The following USP37 variants were observed in gnomAD, a reference collection of about 807,000 sequenced individuals.
The protein encoded by USP37 is ubiquitin carboxyl-terminal hydrolase 37.
In USP37, 27 loss-of-function variants were observed where a neutral mutation model predicts 124.0. The observed-to-expected ratio is 0.22, with a 90% CI of 0.16 to 0.30. USP37 has a LOEUF of 0.30. Ranked by LOEUF, USP37 falls within the 10% of genes least tolerant of loss-of-function variation. USP37 has a pLI of 1.00. For missense variants in USP37, 889 were observed against 1,140.4 expected (o/e 0.78, Z 3.17); for synonymous variants, 365 against 388.0 (o/e 0.94, Z 0.70).
chr2:218,504,097 A>G (rs1401881147), intron 11 of USP37, among the ~76,000 whole-genome samples: 1 of 152,216 alleles, frequency 6.6e-6, no homozygotes, highest in East Asian at 1.9e-4. Flanking sequence ...ATAATCCTAA[A>G]TGTGTATGTG....
Position 218,495,817 on chromosome 2 carries a change from G to C in USP37, c.1415C>G (p.Thr472Ser). 6.2e-7 allele frequency: 1 copy of C among 1,613,960 alleles called. No homozygotes were observed. Residue 472 changes from threonine to serine, a missense_variant, in exon 14 of 26, where the codon ACT (threonine) becomes AGT (serine). Coordinates refer to ENST00000258399, the MANE Select transcript of USP37 (RefSeq NM_020935.3). ...SPDISATRAYTCPVITNLEFE... is the reference protein window; with the variant it reads ...SPDISATRAYSCPVITNLEFE... ...CTCCAAATTAGTAATAACAGGGCAA[G>C]TGTATGCTCTGGTAGCTGAAATATC...
rs750893360 is a variant in USP37, at chr2:218,549,900, G to A, written c.338C>T (p.Pro113Leu). Residue 113 changes from proline (P) to leucine (L), a missense_variant, in exon 6 of 26, where the codon CCG becomes CTG. Around this residue, in one of 3 missense-constraint regions of USP37, gnomAD observed 374 missense variants for 386.0 expected, o/e 0.97. Coordinates refer to ENST00000258399, the MANE Select transcript of USP37 (RefSeq NM_020935.3). The part of the protein sequence containing the change: ...HQNRLPAAMK[P>L]SQGSGSFGAI... Reference sequence around the variant, plus strand: ...TCCAAAACTACCAGACCCCTGAGACGGTTTCATGGCTGGTGACCAAAAATA... The same window carrying A: ...TCCAAAACTACCAGACCCCTGAGACAGTTTCATGGCTGGTGACCAAAAATA... 3.6e-5 allele frequency: 58 copies of A among 1,599,692 alleles called. No individual in the cohort carries two copies. Among genetic ancestry groups the A allele is most frequent in the Non-Finnish European group, 4.2e-5 (49 of 1,173,760 alleles).
At chr2:218,461,795 A>T (rs1690025753) in intron 22 of USP37, among the ~76,000 whole-genome samples, 2 of 151,840 alleles carry the variant, frequency 1.3e-5, no homozygotes, top group Admixed American at 1.3e-4. Flanking sequence ...GAACTGCCTG[A>T]GATCAGGAGT....
At chr2:218,514,017 C>G (rs1037935676) in intron 10 of USP37, among the ~76,000 whole-genome samples, 3 of 151,988 alleles carry the variant, frequency 2.0e-5, no homozygotes, top group Non-Finnish European at 4.4e-5. Context: ...TGAGGTTTTA[C>G]CATGTTGTCC....
At chr2:218,492,657 A>G (rs1176953279) in intron 14 of USP37, among the ~76,000 whole-genome samples, 1 of 152,204 alleles carries the variant, frequency 6.6e-6, no homozygotes, top group Non-Finnish European at 1.5e-5. Flanking sequence ...TTCTGGATGT[A>G]TTTCCAAGGT....
intron 9 of USP37, among the ~76,000 whole-genome samples, chr2:218,533,317 T>C (rs1302903795): frequency 6.6e-6 from 1 of 152,208 alleles, no homozygotes; most frequent in East Asian, 1.9e-4. Context: ...CAGTATCAAT[T>C]GACTCTTTAT....
At chr2:218,551,743 TA>T (rs1170542678) in intron 5 of USP37, among the ~76,000 whole-genome samples, 6 of 152,300 alleles carry the variant, frequency 3.9e-5, no homozygotes, top group Non-Finnish European at 7.4e-5. Flanking sequence ...AACAGAGATA[TA>T]AACTAGCCTC....
chr2:218,544,430 T>TATATATATATATAGAGAGAGAGAGAGAG (rs377397246), intron 8 of USP37, among the ~76,000 whole-genome samples: 1 of 50,806 alleles, frequency 2.0e-5, no homozygotes, highest in African/African-American at 1.3e-4. Flanking sequence ...TATATATATA[T>TATATATATATATAGAGAGAGAGAGAGAG]AGAGAGAGAG....
At chr2:218,521,900 G>A (rs1429964974) in intron 10 of USP37, among the ~76,000 whole-genome samples, 5 of 152,062 alleles carry the variant, frequency 3.3e-5, no homozygotes, top group Non-Finnish European at 7.4e-5. Context: ...TTTGAGACAA[G>A]GTCTTGCTCT....
At chr2:218,479,578 A>C (rs1018191920) in intron 18 of USP37, 72 bp downstream of exon 18, 2 of 1,216,894 alleles carry the variant, frequency 1.6e-6, no homozygotes, top group African/African-American at 3.0e-5. Flanking sequence ...AAAGGCAGGG[A>C]GGCAATCTTG....
At chr2:218,526,236 ATTTAT>A (rs1450140385) in intron 10 of USP37, among the ~76,000 whole-genome samples, 1 of 151,372 alleles carries the variant, frequency 6.6e-6, no homozygotes, top group African/African-American at 2.4e-5. Flanking sequence ...ATGGTTATTT[ATTTAT>A]TTTTTTTTTT....
chr2:218,476,698 T>C, intron 19 of USP37, 142 bp downstream of exon 19: 1 of 964,184 alleles, frequency 1.0e-6, no homozygotes, highest in Non-Finnish European at 1.4e-6. Flanking sequence ...TCTTGATCCA[T>C]CTGTAAACAG....
intron 10 of USP37, among the ~76,000 whole-genome samples, chr2:218,526,017 T>A (rs1243522751): frequency 6.6e-6 from 1 of 152,226 alleles, no homozygotes; most frequent in Non-Finnish European, 1.5e-5. Flanking sequence ...AAGGATATGA[T>A]CTCATTCTTT....
At chr2:218,477,095 A>C in intron 18 of USP37, 114 bp from the exon 19 acceptor site, 1 of 1,217,558 alleles carries the variant, frequency 8.2e-7, no homozygotes, top group South Asian at 2.0e-5. Flanking sequence ...CTTAACAGAA[A>C]AAAAAGATAT....
At chr2:218,524,124 G>GTGTA (rs1690817921) in intron 10 of USP37, among the ~76,000 whole-genome samples, 1 of 152,142 alleles carries the variant, frequency 6.6e-6, no homozygotes, top group South Asian at 2.1e-4. Context: ...CTCAGTCACT[G>GTGTA]TGTATCATTT....
chr2:218,552,441 G>A (rs1465370850), intron 5 of USP37, among the ~76,000 whole-genome samples: 1 of 152,032 alleles, frequency 6.6e-6, no homozygotes, highest in African/African-American at 2.4e-5. Flanking sequence ...GTAGGGCCAG[G>A]CAGTGGCTCA....
chr2:218,469,677 G>T (rs534063853), intron 20 of USP37, among the ~76,000 whole-genome samples: 1 of 152,012 alleles, frequency 6.6e-6, no homozygotes, highest in African/African-American at 2.4e-5. Context: ...ATATACATTT[G>T]TCTTCAGGAT....
intron 21 of USP37, among the ~76,000 whole-genome samples, chr2:218,464,449 G>A (rs77578821): frequency 0.04 from 6,072 of 151,886 alleles, 392 homozygotes; most frequent in African/African-American, 0.14. Context: ...TTTTGGCCAG[G>A]CTGGTCTAGA....
intron 15 of USP37, chr2:218,486,367 GTATT>G (rs1691557177): frequency 6.6e-6 from 1 of 152,192 alleles, no homozygotes; most frequent in African/African-American, 2.4e-5. Context: ...GAAAAGCAGA[GTATT>G]TATCTTTGGG....
Sources: allele counts gnomAD v4.1 joint callset (sites outside exome capture counted in the v4.1 genomes callset), GRCh38; gene constraint gnomAD v4.1.1; regional missense constraint gnomAD v4.1.1; transcripts MANE v1.5; gene names NCBI Gene and HGNC (gene_info 2026-07-23, HGNC 2026-07-21).